TJAP1: variants seen among roughly 807,000 people sequenced by gnomAD.
TJAP1 encodes the protein tight junction-associated protein 1.
TJAP1 carries 27 observed loss-of-function variants against 42.0 expected under a neutral mutation model. The ratio of observed to expected loss-of-function variants is 0.64; its 90% CI spans 0.47 to 0.89. The LOEUF (loss-of-function observed/expected upper bound fraction) is 0.89. TJAP1 is among the 40% of genes least tolerant of loss of function. The probability of loss-of-function intolerance (pLI) is 0.00; values close to 1 mark genes in which losing one functional copy is unlikely to be tolerated. For synonymous variants in TJAP1, 257 were observed against 288.4 expected (o/e 0.89, Z 1.10); for missense variants, 712 against 726.9 (o/e 0.98, Z 0.24).
At chr6:43,485,992 GAC>G (rs1461708430) in intron 2 of TJAP1, among the ~76,000 whole-genome samples, 2 of 148,140 alleles carry the variant, frequency 1.4e-5, no homozygotes, top group Non-Finnish European at 3.0e-5. Flanking sequence ...CTTTTTTTGA[GAC>G]AGAGTCTTGC....
intron 2 of TJAP1, among the ~76,000 whole-genome samples, chr6:43,488,770 G>A (rs1787131194): frequency 1.3e-5 from 2 of 152,212 alleles, no homozygotes; most frequent in South Asian, 4.1e-4. Context: ...TGTCGGAAGA[G>A]TTGTTGTCTT....
chr6:43,486,565 A>T (rs1221554796), intron 2 of TJAP1, among the ~76,000 whole-genome samples: 2 of 151,816 alleles, frequency 1.3e-5, no homozygotes, highest in Admixed American at 6.6e-5. Context: ...CTTGTTGGTC[A>T]GGCTGGTCTC....
chr6:43,499,143 C>A (rs1196536366), intron 4 of TJAP1, 43 bp downstream of exon 4: 4 of 1,608,298 alleles, frequency 2.5e-6, no homozygotes, highest in Non-Finnish European at 3.4e-6. Context: ...AGAGGCAAGG[C>A]CCCTGAGGCT....
At chr6:43,496,110 T>C (rs1789064558) in intron 2 of TJAP1, among the ~76,000 whole-genome samples, 1 of 152,096 alleles carries the variant, frequency 6.6e-6, no homozygotes, top group South Asian at 2.1e-4. Context: ...AGCTGGGACC[T>C]GGACCCTCTG....
chr6:43,498,777 G>T, intron 3 of TJAP1: 1 of 486,654 alleles, frequency 2.1e-6, no homozygotes, highest in Non-Finnish European at 3.7e-6. Context: ...TTGGACCCAT[G>T]CCCCACCCTC....
chr6:43,505,081 C>A lies in TJAP1; in HGVS notation c.900C>A (p.Ser300=). 6.2e-7 allele frequency: 1 copy of A among 1,614,128 alleles called. No homozygotes were observed. Among genetic ancestry groups the A allele is most frequent in the Non-Finnish European group, 8.5e-7 (1 of 1,180,014 alleles). The stretch of plus-strand genomic sequence containing the variant: ...ACTCTCTGGGTACTGCCAGGGGCTC[C>A]CCGGAGGAAGAGCTGCCCCTGCCAG... The change falls in exon 11 of 11, where the codon TCC becomes TCA. Residue 300 remains serine, a synonymous_variant. Transcript: ENST00000372449. The surrounding 1 kb of genome is among the most constrained non-coding windows in gnomAD (Gnocchi z 5.5).
At position 43,489,375 on chromosome 6, in the gene TJAP1, C is replaced by T. The variant is rs369649603; in HGVS notation, c.-121-8506C>T. Reference sequence around the variant, plus strand: ...CCTGGCCAGGCGGCAGTGTGCAGCCCGTGCTGTTGACTGGCCCAGCTGTAG... The same window carrying T: ...CCTGGCCAGGCGGCAGTGTGCAGCCTGTGCTGTTGACTGGCCCAGCTGTAG... On this transcript the variant is annotated intron_variant, in intron 2 of 10. Coordinates refer to ENST00000372449, the Ensembl canonical transcript of TJAP1. Among the ~76,000 whole-genome samples, 16 of 152,310 alleles carry T rather than the reference C, an allele frequency of 1.1e-4. No individual in the cohort carries two copies. The East Asian group carries it at 3.1e-3, about 30-fold the overall frequency.
Position 43,505,559 on chromosome 6 carries a change from C to T in TJAP1, c.1378C>T (p.Pro460Ser), listed in dbSNP as rs1561840421. The T allele has an allele frequency of 1.2e-6, 2 of 1,613,834 alleles. No individual in the cohort carries two copies. Among genetic ancestry groups the T allele is most frequent in the Non-Finnish European group, 1.7e-6 (2 of 1,180,032 alleles). The change falls in exon 11 of 11, where the codon CCT becomes TCT. Residue 460 changes from proline (P) to serine (S), a missense_variant. Pro to Ser is a moderately conservative substitution (Grantham distance 74). This residue lies in a region of TJAP1 where 549 missense variants were observed against 528.2 expected (regional missense o/e 1.04). Transcript: ENST00000372449. This position sits in a 1 kb window ranked among gnomAD's most constrained non-coding sequence, Gnocchi z 5.5. ...TGACAGAGATGAGGTGGTCCAGGCA[C>T]CTTCTGCCCGACCCGAAGAGAGTGA...
chr6:43,502,557 T>A, intron 7 of TJAP1, 31 bp from the exon 8 acceptor site: 1 of 1,551,736 alleles, frequency 6.4e-7, no homozygotes, highest in Non-Finnish European at 8.7e-7. Context: ...CCCCTCATGC[T>A]GCCACCGTTG....
Position 43,505,430 on chromosome 6 carries a change from G to C in TJAP1, c.1249G>C (p.Ala417Pro). The C allele has an allele frequency of 1.9e-6, 3 of 1,612,848 alleles. No homozygotes were observed. Among genetic ancestry groups the C allele is most frequent in the Non-Finnish European group, 2.5e-6 (3 of 1,179,992 alleles). ...GGACCTGCTGGTCAGCTGGCAGCGG[G>C]CATTTGTGGACCGTACTCCACCACC... Residue 417 changes from alanine (A) to proline (P), a missense_variant, in exon 11 of 11, where the codon GCA becomes CCA. This residue lies in a region of TJAP1 where 549 missense variants were observed against 528.2 expected (regional missense o/e 1.04). Transcript: ENST00000372449. This position sits in a 1 kb window ranked among gnomAD's most constrained non-coding sequence, Gnocchi z 5.5.
At position 43,482,190 on chromosome 6, in the gene TJAP1, C is replaced by G. The variant is rs544736528; in HGVS notation, c.-122+3958C>G. Among the ~76,000 whole-genome samples the G allele has an allele frequency of 8.4e-4, 128 of 152,220 alleles. 1 individual carries two copies. Among genetic ancestry groups the G allele is most frequent in the Non-Finnish European group, 7.1e-4 (48 of 68,048 alleles). ...ACCTTTGTACTTTGGTAGACGTCCT[C>G]AAATTTTCTGGATTCGGGTCACATT... is the stretch of plus-strand genomic sequence containing the variant. On this transcript the variant is annotated intron_variant, in intron 2 of 10. Coordinates refer to ENST00000372449, the Ensembl canonical transcript of TJAP1.
At position 43,502,633 on chromosome 6, in the gene TJAP1, G is replaced by A. The variant is rs116568523; in HGVS notation, c.387+16G>A. 5.4e-3 allele frequency: 8,354 copies of A among 1,551,474 alleles called. 32 individuals are homozygous for A. The highest frequency in any genetic ancestry group is 6.5e-3 in the Non-Finnish European group (7,478 of 1,146,728). On this transcript the variant is annotated intron_variant, in intron 8 of 10. Transcript: ENST00000372449. The stretch of plus-strand genomic sequence containing the variant: ...GATTTTTGCAGTTGCGTCTGAGTTT[G>A]TGTGTCTTCTCCCTTGCCCTGGCCT...
At chr6:43,506,104 T>G in exon 11 of TJAP1, 1 of 375,214 alleles carries the variant, frequency 2.7e-6, no homozygotes, top group Non-Finnish European at 4.7e-6. Flanking sequence ...TAACATGCAG[T>G]TGGGTCTCAA....
At chr6:43,486,338 A>T (rs1408079974) in intron 2 of TJAP1, among the ~76,000 whole-genome samples, 1 of 144,356 alleles carries the variant, frequency 6.9e-6, no homozygotes, top group Non-Finnish European at 1.5e-5. Flanking sequence ...AGTACGTACC[A>T]GTAGCTTTCC....
intron 2 of TJAP1, among the ~76,000 whole-genome samples, chr6:43,482,005 C>G (rs946485212): frequency 5.3e-5 from 8 of 152,180 alleles, no homozygotes; most frequent in African/African-American, 1.4e-4. Context: ...ATGACCTTTC[C>G]TATTTGTTTG....
At position 43,497,899 on chromosome 6, in the gene TJAP1, G is replaced by A. The variant is rs1348040250; in HGVS notation, c.-103G>A. On this transcript the variant is annotated 5_prime_UTR_variant, in exon 3 of 11. The change creates a new upstream start codon in the 5' untranslated region. Transcript: ENST00000372449. ...GTTTCAGGAGCTGTGGCTAAAGGAA[G>A]TGGAGGGGCCGTGGGATGCGGAGAG... 2 of 152,436 alleles carry A rather than the reference G, an allele frequency of 1.3e-5. No homozygotes were observed. The highest frequency in any genetic ancestry group is 2.9e-5 in the Non-Finnish European group (2 of 68,188). The allele number at this position is 152,436 out of a possible 1,614,324, so 9.4% of individuals were successfully genotyped here.
Sources: allele counts gnomAD v4.1 joint callset (sites outside exome capture counted in the v4.1 genomes callset), GRCh38; gene constraint gnomAD v4.1.1; regional missense constraint gnomAD v4.1.1; non-coding constraint Gnocchi (gnomAD v3.1); transcripts MANE v1.5; gene names NCBI Gene and HGNC (gene_info 2026-07-23, HGNC 2026-07-21).